Variants in FAM83D observed in about 807,000 individuals in gnomAD.
FAM83D encodes protein FAM83D.
Under a neutral mutation model 25.4 loss-of-function variants are expected in FAM83D, and 26 were observed. That is an observed-to-expected ratio of 1.02 (90% confidence interval 0.75 to 1.42). FAM83D has a LOEUF of 1.42. FAM83D is among the 40% of genes most tolerant of loss of function. The pLI is 0.00. For missense variants in FAM83D, 740 were observed against 758.1 expected (o/e 0.98, Z 0.28); for synonymous variants, 310 against 318.5 (o/e 0.97, Z 0.28).
chr20:38,951,816 G>A lies in FAM83D; in HGVS notation c.1054G>A (p.Ala352Thr), dbSNP rs749230212. Residue 352 changes from alanine to threonine, a missense_variant, in exon 4 of 4, where the codon GCA (alanine) becomes ACA (threonine). Coordinates refer to ENST00000619850, the MANE Select transcript of FAM83D (RefSeq NM_030919.3). Reference protein sequence around the residue: ...RKADLDPEMPAEGKAERKPHD... With the variant: ...RKADLDPEMPTEGKAERKPHD... ...GGCGGACCTGGACCCAGAGATGCCCGCAGAGGGCAAGGCAGAGCGCAAGCC... is the reference window on the plus strand; with the variant it reads ...GGCGGACCTGGACCCAGAGATGCCCACAGAGGGCAAGGCAGAGCGCAAGCC... The A allele has an allele frequency of 2.2e-5, 35 of 1,614,038 alleles. No homozygotes were observed. The highest frequency in any genetic ancestry group is 4.5e-5 in the East Asian group (2 of 44,898).
chr20:38,940,638 C>T (rs1336493557), intron 1 of FAM83D, among the ~76,000 whole-genome samples: 1 of 152,194 alleles, frequency 6.6e-6, no homozygotes, highest in Non-Finnish European at 1.5e-5. Context: ...CCTCGGCTTC[C>T]TTAGTTAACA....
intron 1 of FAM83D, among the ~76,000 whole-genome samples, chr20:38,929,219 T>G (rs886557525): frequency 6.6e-6 from 1 of 151,200 alleles, no homozygotes; most frequent in Non-Finnish European, 1.5e-5. Context: ...ATTTTCAGTG[T>G]GTCCGATAGA....
intron 2 of FAM83D, among the ~76,000 whole-genome samples, chr20:38,945,706 C>G (rs1013348766): frequency 2.0e-5 from 3 of 150,756 alleles, no homozygotes; most frequent in African/African-American, 7.3e-5. Flanking sequence ...CTCCATCTTT[C>G]TTTGTCTTTT....
intron 1 of FAM83D, among the ~76,000 whole-genome samples, chr20:38,941,710 C>A (rs1384159529): frequency 3.9e-5 from 6 of 152,114 alleles, no homozygotes; most frequent in African/African-American, 1.4e-4. Context: ...TTTTGAGAAA[C>A]CTCCCAGCAT....
chr20:38,951,434 C>T, intron 3 of FAM83D, 105 bp from the exon 4 acceptor site: 1 of 1,305,516 alleles, frequency 7.7e-7, no homozygotes, highest in Non-Finnish European at 1.0e-6. Context: ...AAATTTGTGA[C>T]CCTTATGTGG....
intron 1 of FAM83D, among the ~76,000 whole-genome samples, chr20:38,932,727 G>T (rs1476327682): frequency 5.9e-5 from 9 of 152,222 alleles, no homozygotes; most frequent in African/African-American, 2.2e-4. Context: ...TTATGAATTG[G>T]CTGTCCGGCT....
At chr20:38,933,520 A>G (rs2085666414) in intron 1 of FAM83D, among the ~76,000 whole-genome samples, 1 of 152,242 alleles carries the variant, frequency 6.6e-6, no homozygotes, top group African/African-American at 2.4e-5. Flanking sequence ...TCACTAGTGC[A>G]TCATTATGGG....
intron 1 of FAM83D, among the ~76,000 whole-genome samples, chr20:38,939,633 G>A (rs927874789): frequency 6.6e-6 from 1 of 152,198 alleles, no homozygotes; most frequent in Non-Finnish European, 1.5e-5. Flanking sequence ...TTACAGGCAT[G>A]AGCCATCATG....
chr20:38,952,383 C>A lies in FAM83D; in HGVS notation c.1621C>A (p.Arg541=). ...RQFHFAGIRS[R]LNHMLAMLSR... ...ATTCCACTTCGCTGGTATCAGGTCC[C>A]GGCTCAACCACATGCTGGCTATGCT... The change falls in exon 4 of 4, where the codon CGG becomes AGG. Residue 541 remains arginine, a synonymous_variant. Coordinates refer to ENST00000619850, the MANE Select transcript of FAM83D (RefSeq NM_030919.3). The A allele has an allele frequency of 6.2e-7, 1 of 1,614,190 alleles. No individual in the cohort carries two copies. Among genetic ancestry groups the A allele is most frequent in the Non-Finnish European group, 8.5e-7 (1 of 1,180,040 alleles).
chr20:38,946,060 A>G (rs1447306570), intron 2 of FAM83D, among the ~76,000 whole-genome samples: 1 of 151,918 alleles, frequency 6.6e-6, no homozygotes, highest in Non-Finnish European at 1.5e-5. Context: ...ATACAAAACA[A>G]TTAACCAGGC....
chr20:38,951,385 G>A (rs971677446), intron 3 of FAM83D, among the ~76,000 whole-genome samples, 154 bp from the exon 4 acceptor site: 3 of 152,160 alleles, frequency 2.0e-5, no homozygotes, highest in Non-Finnish European at 4.4e-5. Flanking sequence ...ATGTGTTAAG[G>A]CTAGTTAAAT....
intron 1 of FAM83D, among the ~76,000 whole-genome samples, chr20:38,934,022 T>A (rs942195066): frequency 1.2e-4 from 18 of 151,996 alleles, no homozygotes; most frequent in Non-Finnish European, 2.2e-4. Flanking sequence ...GCCCGGCTAA[T>A]TTTTTTGTAT....
chr20:38,952,441 T>G lies in FAM83D; in HGVS notation c.1679T>G (p.Leu560Arg). Residue 560 changes from leucine (L) to arginine (R), a missense_variant, in exon 4 of 4, where the codon CTT becomes CGT. Transcript: ENST00000619850. ...SRRTLFTENH[L>R]GLHSGNFSRV... ...AGAACACTCTTTACTGAAAACCACCTTGGCCTTCATTCTGGCAATTTCAGC... is the reference window on the plus strand; with the variant it reads ...AGAACACTCTTTACTGAAAACCACCGTGGCCTTCATTCTGGCAATTTCAGC... 6.2e-7 allele frequency: 1 copy of G among 1,614,228 alleles called. No individual in the cohort carries two copies. Among genetic ancestry groups the G allele is most frequent in the Non-Finnish European group, 8.5e-7 (1 of 1,180,040 alleles).
intron 2 of FAM83D, among the ~76,000 whole-genome samples, chr20:38,943,723 TCTTGTTGCCCAGGCTGGAGTG>T (rs1199814088): frequency 6.6e-6 from 1 of 152,028 alleles, no homozygotes; most frequent in East Asian, 1.9e-4. Flanking sequence ...GGAATTTTGC[TCTTGTTGCCCAGGCTGGAGTG>T]CAGTGGCACG....
chr20:38,934,194 CAGACAGTAATGAA>C (rs76681084), intron 1 of FAM83D, among the ~76,000 whole-genome samples: 21,662 of 151,994 alleles, frequency 0.14, 1,632 homozygotes, highest in Middle Eastern at 0.19. Flanking sequence ...TAGCGTCTAG[CAGACAGTAATGAA>C]GCTGCAGAAT....
intron 3 of FAM83D, among the ~76,000 whole-genome samples, chr20:38,951,114 C>T (rs191036468): frequency 1.4e-4 from 22 of 152,280 alleles, no homozygotes; most frequent in Admixed American, 9.1e-4. Flanking sequence ...TGAGCCACCG[C>T]GCCTGGCCCC....
chr20:38,949,744 C>T (rs7264022), intron 3 of FAM83D, among the ~76,000 whole-genome samples: 20,154 of 152,226 alleles, frequency 0.13, 1,405 homozygotes, highest in Middle Eastern at 0.19. Context: ...CTGATCAGAA[C>T]ACTATATCCT....
chr20:38,939,098 C>T (rs2085690715), intron 1 of FAM83D, among the ~76,000 whole-genome samples: 1 of 152,228 alleles, frequency 6.6e-6, no homozygotes, highest in Non-Finnish European at 1.5e-5. Context: ...TTCATGCATG[C>T]TGTACGTTCC....
rs1568698108 is a variant in FAM83D, at chr20:38,942,169, A to G, written c.651+43A>G. The G allele has an allele frequency of 1.9e-6, 3 of 1,600,250 alleles. No individual in the cohort carries two copies. The South Asian group carries it at 3.3e-5, about 18-fold the overall frequency. On this transcript the variant is annotated intron_variant, in intron 2 of 3. Coordinates refer to ENST00000619850, the MANE Select transcript of FAM83D (RefSeq NM_030919.3). ...TCCAGTTTCACCATAGTCAACAAAT[A>G]TGACCAAGCATCCATTATCTACAAG...
Sources: gnomAD v4.1 joint callset for allele counts (sites outside exome capture counted in the v4.1 genomes callset) on GRCh38, gnomAD v4.1.1 for gene constraint, MANE v1.5 for transcripts, NCBI Gene and HGNC (gene_info 2026-07-23, HGNC 2026-07-21) for gene names.